NPR3: variants seen among roughly 807,000 people sequenced by gnomAD.
The protein encoded by NPR3 is natriuretic peptide receptor 3.
In NPR3, 34 loss-of-function variants were observed where a neutral mutation model predicts 54.5. That is an observed-to-expected ratio of 0.62 (90% CI 0.47 to 0.83). The LOEUF (loss-of-function observed/expected upper bound fraction) is 0.83, where lower values mean the gene tolerates loss of function less well. NPR3 is among the 40% of genes least tolerant of loss of function. NPR3 has a pLI of 0.00. For missense variants in NPR3, 674 were observed against 720.8 expected (o/e 0.94, Z 0.74); for synonymous variants, 289 against 297.1 (o/e 0.97, Z 0.28).
chr5:32,738,292 C>A lies in NPR3; in HGVS notation c.893-572C>A, dbSNP rs531054706. On this transcript the variant is annotated intron_variant, in intron 2 of 7. Coordinates refer to ENST00000265074, the MANE Select transcript of NPR3 (RefSeq NM_001204375.2). ...CCTAATGCTATCCCTTCCCCTGCCC[C>A]CCACCCCCTGATAGGCCCTGGTGTG... is the stretch of plus-strand genomic sequence containing the variant. Among the ~76,000 whole-genome samples the A allele has an allele frequency of 2.6e-5, 4 of 152,148 alleles. No homozygotes were observed. In the South Asian group the frequency reaches 8.3e-4, roughly 32 times the overall value.
At chr5:32,764,633 C>A (rs1459589331) in intron 3 of NPR3, among the ~76,000 whole-genome samples, 3 of 151,266 alleles carry the variant, frequency 2.0e-5, no homozygotes, top group Non-Finnish European at 4.4e-5. Context: ...ACCAAAAATA[C>A]AAAAGTTAGC....
At chr5:32,773,722 A>G (rs1323936046) in intron 3 of NPR3, among the ~76,000 whole-genome samples, 2 of 152,166 alleles carry the variant, frequency 1.3e-5, no homozygotes, top group Non-Finnish European at 2.9e-5. Context: ...TTCTGAACAG[A>G]CTTCGAACAC....
chr5:32,697,955 TTTGTA>T (rs1740573932), intron 1 of NPR3, among the ~76,000 whole-genome samples: 1 of 152,078 alleles, frequency 6.6e-6, no homozygotes, highest in South Asian at 2.1e-4. Context: ...TTGTTCATCT[TTTGTA>T]TTGTTTTCTT....
chr5:32,779,548 T>A (rs1397239189), intron 4 of NPR3, among the ~76,000 whole-genome samples: 1 of 152,196 alleles, frequency 6.6e-6, no homozygotes, highest in Middle Eastern at 3.2e-3. Flanking sequence ...TTCCCAGAAA[T>A]CTCACAATTC....
chr5:32,717,229 C>T (rs1341892509), intron 1 of NPR3, among the ~76,000 whole-genome samples: 1 of 152,296 alleles, frequency 6.6e-6, no homozygotes, highest in South Asian at 2.1e-4. Flanking sequence ...ATATGTGCCA[C>T]ATTTTCTTAA....
At chr5:32,716,091 T>C (rs935809602) in intron 1 of NPR3, among the ~76,000 whole-genome samples, 2 of 152,224 alleles carry the variant, frequency 1.3e-5, no homozygotes, top group African/African-American at 4.8e-5. Flanking sequence ...TTGGAGTAGA[T>C]GGAGCTTTAT....
At chr5:32,742,212 ACT>A (rs1176229479) in intron 3 of NPR3, among the ~76,000 whole-genome samples, 32 of 151,790 alleles carry the variant, frequency 2.1e-4, no homozygotes, top group Non-Finnish European at 3.2e-4. Context: ...ACTTTGGTGG[ACT>A]CTCTCATTTG....
chr5:32,760,319 A>G (rs190933064), intron 3 of NPR3, among the ~76,000 whole-genome samples: 9 of 152,234 alleles, frequency 5.9e-5, no homozygotes, highest in Non-Finnish European at 1.2e-4. Context: ...TCCAACCAGC[A>G]ATGTATGGAG....
chr5:32,789,334 A>C lies in NPR3; in HGVS notation c.*2989A>C. On this transcript the variant is annotated 3_prime_UTR_variant, in exon 8 of 8. Transcript: ENST00000265074. ...ACTCAGAAATAAAAGCGTTCCCCAG[A>C]TAACTTCAATCTGGAAAGAATTTTT... 2.3e-6 allele frequency: 1 copy of C among 440,580 alleles called. No individual in the cohort carries two copies. Among genetic ancestry groups the C allele is most frequent in the Admixed American group, 2.8e-5 (1 of 35,738 alleles). 27.3% of individuals were successfully genotyped at this position (440,580 alleles called of 1,614,324 possible). A position where few individuals can be genotyped will look rare whatever the true frequency, so the allele number is the denominator to read the frequency against.
chr5:32,716,373 T>G (rs1237046539), intron 1 of NPR3: 1 of 452,940 alleles, frequency 2.2e-6, no homozygotes, highest in South Asian at 1.6e-5. Context: ...TGCTACTTTT[T>G]TTTTTTTCAG....
intron 3 of NPR3, among the ~76,000 whole-genome samples, chr5:32,752,576 T>C (rs1740633981): frequency 6.6e-6 from 1 of 152,152 alleles, no homozygotes; most frequent in South Asian, 2.1e-4. Context: ...TTCTTTAAAG[T>C]CAGCTAGGGA....
chr5:32,788,220 C>G lies in NPR3; in HGVS notation c.*1875C>G, dbSNP rs1373087208. On this transcript the variant is annotated 3_prime_UTR_variant, in exon 8 of 8. Transcript: ENST00000265074. ...AATTAAGTGTGATCAACTGAAACAACTATGTTGTAGTTCTCCATGCTGGAT... is the reference window on the plus strand; with the variant it reads ...AATTAAGTGTGATCAACTGAAACAAGTATGTTGTAGTTCTCCATGCTGGAT... 1 of 152,216 alleles carries G rather than the reference C, an allele frequency of 6.6e-6. No individual in the cohort carries two copies. The highest frequency in any genetic ancestry group is 2.4e-5 in the African/African-American group (1 of 41,448). 9.4% of individuals were successfully genotyped at this position (152,216 alleles called of 1,614,324 possible).
At chr5:32,724,092 A>G (rs565191452) in intron 1 of NPR3, among the ~76,000 whole-genome samples, 52 of 152,374 alleles carry the variant, frequency 3.4e-4, no homozygotes, top group African/African-American at 1.2e-3. Flanking sequence ...ACCACAGCAT[A>G]ATTATGAAAA....
intron 3 of NPR3, among the ~76,000 whole-genome samples, chr5:32,741,197 TG>T (rs1269917918): frequency 6.6e-6 from 1 of 152,004 alleles, no homozygotes; most frequent in African/African-American, 2.4e-5. Flanking sequence ...GGCAGGCAAT[TG>T]CTTGAGCTCA....
At chr5:32,716,671 A>G (rs780819045) in intron 1 of NPR3, 19 of 170,552 alleles carry the variant, frequency 1.1e-4, no homozygotes, top group Non-Finnish European at 2.0e-4. Flanking sequence ...AAATATTATC[A>G]TTACTTTCTA....
chr5:32,716,375 T>TA (rs766319190), intron 1 of NPR3: 1 of 452,848 alleles, frequency 2.2e-6, no homozygotes, highest in South Asian at 1.6e-5. Flanking sequence ...CTACTTTTTT[T>TA]TTTTTCAGTT....
chr5:32,778,663 A>G (rs1345012913), intron 4 of NPR3, among the ~76,000 whole-genome samples: 1 of 152,222 alleles, frequency 6.6e-6, no homozygotes, highest in Admixed American at 6.5e-5. Context: ...ACTTATGTAC[A>G]GGAAAATTCT....
At chr5:32,708,014 A>C (rs1347291362), upstream of NPR3, among the ~76,000 whole-genome samples, 1 of 128,040 alleles carries the variant, frequency 7.8e-6, no homozygotes, top group Non-Finnish European at 1.5e-5. Flanking sequence ...AAAAAAAAAA[A>C]AACAACCCAA....
At chr5:32,779,663 C>T (rs997586137) in intron 4 of NPR3, among the ~76,000 whole-genome samples, 3 of 152,172 alleles carry the variant, frequency 2.0e-5, no homozygotes, top group Non-Finnish European at 2.9e-5. Flanking sequence ...AGACTTCCTC[C>T]AACATCCCTA....
Sources: allele counts gnomAD v4.1 joint callset (sites outside exome capture counted in the v4.1 genomes callset), GRCh38; gene constraint gnomAD v4.1.1; transcripts MANE v1.5; gene names NCBI Gene and HGNC (gene_info 2026-07-23, HGNC 2026-07-21).